AMBRA1: variants seen among roughly 807,000 people sequenced by gnomAD.
AMBRA1 encodes the protein activating molecule in BECN1-regulated autophagy protein 1.
In AMBRA1, 47 loss-of-function variants were observed where a neutral mutation model predicts 125.4. That is an observed-to-expected ratio of 0.37 (90% confidence interval 0.30 to 0.48). The LOEUF (loss-of-function observed/expected upper bound fraction) is 0.48. AMBRA1 is among the 20% of genes least tolerant of loss of function. The pLI is 0.99. For missense variants in AMBRA1, 1,331 were observed against 1,693.4 expected, an observed-to-expected ratio of 0.79 and a Z score of 3.76; for synonymous variants, 626 against 655.5, an observed-to-expected ratio of 0.95 and a Z score of 0.69.
intron 1 of AMBRA1, among the ~76,000 whole-genome samples, chr11:46,567,438 C>T (rs1442189417): frequency 6.6e-6 from 1 of 152,084 alleles, no homozygotes; most frequent in Non-Finnish European, 1.5e-5. Context: ...GCCATCTTGG[C>T]TCAATGCATT....
intron 9 of AMBRA1, among the ~76,000 whole-genome samples, chr11:46,500,756 A>C (rs7949282): frequency 0.43 from 64,526 of 151,568 alleles, 18,340 homozygotes; most frequent in African/African-American, 0.81. Flanking sequence ...ACCCATCACC[A>C]ATATCAATTC....
chr11:46,515,326 A>G (rs1951429569), intron 7 of AMBRA1, among the ~76,000 whole-genome samples: 1 of 152,164 alleles, frequency 6.6e-6, no homozygotes, highest in Admixed American at 6.5e-5. Context: ...ACAAAAAAGT[A>G]GCCAGGCGTG....
intron 11 of AMBRA1, among the ~76,000 whole-genome samples, chr11:46,478,540 G>C (rs1949916194): frequency 6.6e-6 from 1 of 151,876 alleles, no homozygotes; most frequent in Admixed American, 6.6e-5. Context: ...CCTATGTCTA[G>C]GAAACCAGGG....
chr11:46,450,909 G>A (rs1049137439), intron 11 of AMBRA1, among the ~76,000 whole-genome samples: 1 of 152,188 alleles, frequency 6.6e-6, no homozygotes, highest in South Asian at 2.1e-4. Context: ...TTCATCAGCT[G>A]CAGCAAATGT....
chr11:46,562,228 T>C (rs1180340533), intron 1 of AMBRA1, among the ~76,000 whole-genome samples: 2 of 151,792 alleles, frequency 1.3e-5, no homozygotes, highest in Admixed American at 1.3e-4. Flanking sequence ...GTGAAAAAAA[T>C]ATTTCAAGGA....
intron 4 of AMBRA1, among the ~76,000 whole-genome samples, chr11:46,546,426 G>T (rs764824921): frequency 1.1e-4 from 17 of 152,224 alleles, no homozygotes; most frequent in Non-Finnish European, 2.2e-4. Context: ...CTAGGACAAA[G>T]AGGATCTTGC....
intron 11 of AMBRA1, among the ~76,000 whole-genome samples, chr11:46,448,877 T>C (rs934339719): frequency 6.6e-6 from 1 of 152,170 alleles, no homozygotes; most frequent in Non-Finnish European, 1.5e-5. Flanking sequence ...AAAGACACAG[T>C]ATATTACAAT....
chr11:46,443,652 C>T (rs1948125632), intron 11 of AMBRA1, 54 bp from the exon 12 acceptor site: 1 of 1,441,514 alleles, frequency 6.9e-7, no homozygotes. Flanking sequence ...CACGTTTCCA[C>T]TGCAAAACAT....
At chr11:46,589,477 G>A (rs1160763514) in intron 1 of AMBRA1, among the ~76,000 whole-genome samples, 1 of 152,054 alleles carries the variant, frequency 6.6e-6, no homozygotes, top group Non-Finnish European at 1.5e-5. Flanking sequence ...CCAAACCACT[G>A]GGCAAAAAAA....
Position 46,548,445 on chromosome 11 carries a change from A to G in AMBRA1, c.-65T>C. ...AAGGAGCAAGTAACAGCTCCAACAC[A>G]CTGAAGCAGCTAAAATGAGGCCATA... On this transcript the variant is annotated 5_prime_UTR_variant, in exon 2 of 18. Coordinates refer to ENST00000683756, the MANE Select transcript of AMBRA1 (RefSeq NM_001387011.1). The G allele has an allele frequency of 6.3e-7, 1 of 1,595,946 alleles. No individual in the cohort carries two copies. Among genetic ancestry groups the G allele is most frequent in the East Asian group, 2.2e-5 (1 of 44,624 alleles).
intron 12 of AMBRA1, among the ~76,000 whole-genome samples, chr11:46,442,856 G>A (rs1333649774): frequency 6.6e-6 from 1 of 152,098 alleles, no homozygotes; most frequent in Non-Finnish European, 1.5e-5. Flanking sequence ...AAGCCCTATG[G>A]GATTATAGGT....
chr11:46,531,147 T>C (rs1952200122), intron 7 of AMBRA1, among the ~76,000 whole-genome samples: 1 of 152,120 alleles, frequency 6.6e-6, no homozygotes, highest in Non-Finnish European at 1.5e-5. Flanking sequence ...CCTCCCAAAG[T>C]GCTGGGATTA....
chr11:46,450,435 ATT>A (rs200047750), intron 11 of AMBRA1, among the ~76,000 whole-genome samples: 1 of 144,680 alleles, frequency 6.9e-6, no homozygotes. Flanking sequence ...TGAGCACAAG[ATT>A]TTTTTTTTTT....
chr11:46,591,941 ATTTT>A (rs1167665024), intron 1 of AMBRA1, among the ~76,000 whole-genome samples: 3 of 115,134 alleles, frequency 2.6e-5, no homozygotes, highest in African/African-American at 1.1e-4. Flanking sequence ...CTCAAGACTG[ATTTT>A]TTTTTTTTTT....
At chr11:46,454,623 C>T (rs1395760009) in intron 11 of AMBRA1, among the ~76,000 whole-genome samples, 4 of 149,298 alleles carry the variant, frequency 2.7e-5, no homozygotes, top group Non-Finnish European at 5.9e-5. Flanking sequence ...AGGTGGCGGG[C>T]GCCTGCAGTC....
At chr11:46,472,105 G>C (rs1361763144) in intron 11 of AMBRA1, among the ~76,000 whole-genome samples, 1 of 152,212 alleles carries the variant, frequency 6.6e-6, no homozygotes, top group African/African-American at 2.4e-5. Flanking sequence ...GCAACATTCA[G>C]CCTATGAAAA....
intron 8 of AMBRA1, among the ~76,000 whole-genome samples, chr11:46,508,817 C>T (rs1951155705): frequency 6.6e-6 from 1 of 152,176 alleles, no homozygotes; most frequent in African/African-American, 2.4e-5. Context: ...GAAAAGATGC[C>T]AGGAGATGGT....
rs117147261 is a variant in AMBRA1, at chr11:46,450,800, A to T, written c.2522-7202T>A. ...TCTATGTTACTACAATGTTGGATAC[A>T]TGGCACATACATTTGCCAAAACCAG... On this transcript the variant is annotated intron_variant, in intron 11 of 17. Transcript: ENST00000683756. Among the ~76,000 whole-genome samples, 37 of 152,342 alleles carry T rather than the reference A, an allele frequency of 2.4e-4. No homozygotes were observed. The East Asian group carries it at 7.1e-3, about 29-fold the overall frequency.
At chr11:46,458,329 TA>T (rs1376302396) in intron 11 of AMBRA1, among the ~76,000 whole-genome samples, 1 of 152,184 alleles carries the variant, frequency 6.6e-6, no homozygotes, top group Non-Finnish European at 1.5e-5. Context: ...GAAGCCTGTT[TA>T]AAACCCCACC....
Sources: allele counts gnomAD v4.1 joint callset (sites outside exome capture counted in the v4.1 genomes callset), GRCh38; gene constraint gnomAD v4.1.1; transcripts MANE v1.5; gene names NCBI Gene and HGNC (gene_info 2026-07-23, HGNC 2026-07-21).